Variants in MBTPS2 observed in about 807,000 individuals in gnomAD.
MBTPS2 encodes the protein membrane bound transcription factor peptidase, site 2, also known as membrane-bound transcription factor site-2 protease.
A neutral mutation model predicts 35.4 loss-of-function variants in MBTPS2; 2 were observed. That is an observed-to-expected ratio of 0.06 (90% CI 0.02 to 0.18). The LOEUF is 0.18. Among genes scored for constraint, MBTPS2 ranks in the 10% least tolerant of loss-of-function variants. The probability of loss-of-function intolerance (pLI) is 1.00; values close to 1 mark genes in which losing one functional copy is unlikely to be tolerated. For missense variants in MBTPS2, 244 were observed against 386.5 expected, an observed-to-expected ratio of 0.63 and a Z score of 3.09; for synonymous variants, 125 against 140.4, an observed-to-expected ratio of 0.89 and a Z score of 0.77.
chrX:21,852,822 C>G (rs1169511126), intron 4 of MBTPS2, among the ~76,000 whole-genome samples: 1 of 107,499 alleles, frequency 9.3e-6, no homozygotes, highest in Non-Finnish European at 1.9e-5. Flanking sequence ...ATATGGAGAT[C>G]AAAACCTGCT....
intron 5 of MBTPS2, among the ~76,000 whole-genome samples, chrX:21,864,727 G>A (rs1184700302): frequency 4.5e-5 from 5 of 110,854 alleles, no homozygotes; most frequent in Non-Finnish European, 7.6e-5. Flanking sequence ...GGAGGCTGAG[G>A]TGGGAGGATG....
intron 5 of MBTPS2, among the ~76,000 whole-genome samples, chrX:21,867,029 A>G (rs916749511): frequency 7.9e-5 from 5 of 63,333 alleles, no homozygotes; most frequent in African/African-American, 2.9e-4. Flanking sequence ...AAAAAAAAAA[A>G]AAGAAAAAAA....
Position 21,883,222 on chromosome X carries a change from G to C in MBTPS2, c.*567G>C. ...TATAGAAGAATCTGCTGACGTGAAA[G>C]GGAAAAATCTTTGTCAAATGATACC... On this transcript the variant is annotated 3_prime_UTR_variant, in exon 11 of 11. Coordinates refer to ENST00000379484, the MANE Select transcript of MBTPS2 (RefSeq NM_015884.4). The C allele has an allele frequency of 6.6e-6, 5 of 757,562 alleles. No homozygotes were observed. Among genetic ancestry groups the C allele is most frequent in the Non-Finnish European group, 7.8e-6 (5 of 640,967 alleles). The allele number at this position is 757,562 out of a possible 1,213,427, so 62.4% of individuals were successfully genotyped here. A position where few individuals can be genotyped will look rare whatever the true frequency, so the allele number is the denominator to read the frequency against.
chrX:21,844,967 CAG>C (rs1485001174), intron 2 of MBTPS2, among the ~76,000 whole-genome samples: 6 of 112,210 alleles, frequency 5.3e-5, no homozygotes, highest in South Asian at 3.7e-4. Context: ...CTTTAGTTAT[CAG>C]AGAATTATAA....
chrX:21,874,595 G>T (rs917663099), intron 7 of MBTPS2, among the ~76,000 whole-genome samples: 4 of 111,520 alleles, frequency 3.6e-5, no homozygotes, highest in African/African-American at 1.3e-4. Flanking sequence ...TTGTAGACTG[G>T]ACTATTTCTG....
intron 3 of MBTPS2, among the ~76,000 whole-genome samples, chrX:21,848,361 G>T (rs1261396597): frequency 9.1e-6 from 1 of 109,398 alleles, no homozygotes; most frequent in African/African-American, 3.4e-5. Flanking sequence ...GGAGGTTGTA[G>T]TGAGCCAAGA....
chrX:21,883,052 G>A lies in MBTPS2; in HGVS notation c.*397G>A. The stretch of plus-strand genomic sequence containing the variant: ...GCATCATTAATCAAAATTTGAAGGA[G>A]ACCAGACTTTGGCCAAGTGGAAGGA... On this transcript the variant is annotated 3_prime_UTR_variant, in exon 11 of 11. Coordinates refer to ENST00000379484, the MANE Select transcript of MBTPS2 (RefSeq NM_015884.4). 4 of 816,843 alleles carry A rather than the reference G, an allele frequency of 4.9e-6. No homozygotes were observed. The highest frequency in any genetic ancestry group is 5.9e-6 in the Non-Finnish European group (4 of 677,563). 67.3% of individuals were successfully genotyped at this position (816,843 alleles called of 1,213,427 possible). A position where few individuals can be genotyped will look rare whatever the true frequency, so the allele number is the denominator to read the frequency against.
chrX:21,862,116 A>C (rs1213101441), intron 5 of MBTPS2, among the ~76,000 whole-genome samples: 1 of 111,627 alleles, frequency 9.0e-6, no homozygotes, highest in Non-Finnish European at 1.9e-5. Context: ...CATCATAGCT[A>C]CATTACAGCC....
At chrX:21,868,837 T>A (rs1569327141) in intron 6 of MBTPS2, among the ~76,000 whole-genome samples, 1 of 112,599 alleles carries the variant, frequency 8.9e-6, no homozygotes, top group African/African-American at 3.2e-5. Flanking sequence ...CTACCTGTAG[T>A]TTATTGGTAA....
intron 5 of MBTPS2, among the ~76,000 whole-genome samples, 186 bp from the exon 6 acceptor site, chrX:21,868,281 T>C (rs974392619): frequency 1.8e-5 from 2 of 111,906 alleles, no homozygotes; most frequent in South Asian, 3.8e-4. Context: ...TAGATTTCAA[T>C]ATCTAAAATG....
intron 7 of MBTPS2, among the ~76,000 whole-genome samples, chrX:21,876,439 G>A (rs978564068): frequency 9.1e-6 from 1 of 110,481 alleles, no homozygotes; most frequent in Non-Finnish European, 1.9e-5. Flanking sequence ...GGTGGCACGT[G>A]CCTGTAATCT....
chrX:21,843,618 A>G (rs2092905215), intron 2 of MBTPS2, among the ~76,000 whole-genome samples: 1 of 111,566 alleles, frequency 9.0e-6, no homozygotes, highest in African/African-American at 3.3e-5. Context: ...GGCATGGTCT[A>G]GATTTCTTTT....
At chrX:21,866,806 C>G (rs1157554662) in intron 5 of MBTPS2, among the ~76,000 whole-genome samples, 1 of 110,231 alleles carries the variant, frequency 9.1e-6, no homozygotes, top group African/African-American at 3.3e-5. Flanking sequence ...GTGGGCGGAT[C>G]ACTTGAGGTC....
intron 3 of MBTPS2, among the ~76,000 whole-genome samples, chrX:21,847,748 T>G (rs190351570): frequency 1.2e-3 from 139 of 112,153 alleles, no homozygotes; most frequent in Non-Finnish European, 2.1e-3. Context: ...ATGACAGTCT[T>G]AAGTATGTAA....
chrX:21,866,643 A>G (rs1569326608), intron 5 of MBTPS2, among the ~76,000 whole-genome samples: 1 of 111,863 alleles, frequency 8.9e-6, no homozygotes, highest in Non-Finnish European at 1.9e-5. Context: ...GATGTAGAAG[A>G]TTTCAGTAAA....
intron 2 of MBTPS2, among the ~76,000 whole-genome samples, chrX:21,844,555 T>G (rs1369988386): frequency 8.9e-6 from 1 of 111,991 alleles, no homozygotes; most frequent in Non-Finnish European, 1.9e-5. Context: ...TTACTACAGA[T>G]TCTATAGGCA....
In MBTPS2 at chrX:21,882,971, T is replaced by C; in HGVS notation, c.*316T>C. On this transcript the variant is annotated 3_prime_UTR_variant, in exon 11 of 11. Coordinates refer to ENST00000379484, the MANE Select transcript of MBTPS2 (RefSeq NM_015884.4). ...TGTCTGATTACATATTGTGTTGAAA[T>C]AGTATAAAGGAGAACAGAACTGGGT... 1 of 925,921 alleles carries C rather than the reference T, an allele frequency of 1.1e-6. No homozygotes were observed. Among genetic ancestry groups the C allele is most frequent in the Non-Finnish European group, 1.3e-6 (1 of 743,570 alleles). 76.3% of individuals were successfully genotyped at this position (925,921 alleles called of 1,213,427 possible).
intron 3 of MBTPS2, among the ~76,000 whole-genome samples, chrX:21,847,030 A>T (rs1426985258): frequency 8.9e-6 from 1 of 111,806 alleles, no homozygotes; most frequent in Non-Finnish European, 1.9e-5. Flanking sequence ...TTGGTGATTA[A>T]TTAAATGTGA....
At chrX:21,857,868 A>G in intron 5 of MBTPS2, 1 of 274,717 alleles carries the variant, frequency 3.6e-6, no homozygotes, top group Non-Finnish European at 6.6e-6. Flanking sequence ...AACAGGAGAA[A>G]AATTCGTAGA....
Sources: gnomAD v4.1 joint callset for allele counts (sites outside exome capture counted in the v4.1 genomes callset) on GRCh38, gnomAD v4.1.1 for gene constraint, MANE v1.5 for transcripts, NCBI Gene and HGNC (gene_info 2026-07-23, HGNC 2026-07-21) for gene names.